The following ZMYM2 variants were observed in gnomAD, a reference collection of about 807,000 sequenced individuals.
The protein encoded by ZMYM2 is zinc finger MYM-type protein 2.
Under a neutral mutation model 162.8 loss-of-function variants are expected in ZMYM2, and 56 were observed. The observed-to-expected ratio is 0.34, with a 90% confidence interval of 0.28 to 0.43. The LOEUF is 0.43. Among genes scored for constraint, ZMYM2 ranks in the 20% least tolerant of loss-of-function variants. The probability of loss-of-function intolerance (pLI) is 1.00; values close to 1 mark genes in which losing one functional copy is unlikely to be tolerated. For synonymous variants in ZMYM2, 510 were observed against 541.6 expected, an observed-to-expected ratio of 0.94 and a Z score of 0.81; for missense variants, 1,275 against 1,621.8, an observed-to-expected ratio of 0.79 and a Z score of 3.67.
intron 10 of ZMYM2, 92 bp downstream of exon 10, chr13:20,031,527 G>T: frequency 1.2e-6 from 1 of 811,398 alleles, no homozygotes; most frequent in Non-Finnish European, 1.8e-6. Flanking sequence ...CCTATTTCTT[G>T]GTAGATAAAA....
At chr13:19,951,047 C>T in the ZMYM2 span, among the ~76,000 whole-genome samples, 8 of 152,162 alleles carry the variant, frequency 5.3e-5, 1 homozygote, top group East Asian at 1.9e-4. Flanking sequence ...TATTTTGGCT[C>T]GTCAGTTATC....
chr13:19,972,525 C>T (rs964560281), intron 2 of ZMYM2, among the ~76,000 whole-genome samples: 4 of 151,898 alleles, frequency 2.6e-5, no homozygotes, highest in Non-Finnish European at 5.9e-5. Flanking sequence ...ACAGAAAGAT[C>T]TCCATTTTAA....
rs1386590416 is a variant in ZMYM2, at chr13:20,005,166, A to G, written c.1226A>G (p.Tyr409Cys). Residue 409 changes from tyrosine (Y) to cysteine (C), a missense_variant, in exon 5 of 25, where the codon TAT becomes TGT. Tyr to Cys is a radical substitution (Grantham distance 194). This residue lies in a region of ZMYM2 where 3 missense variants were observed against 16.8 expected (regional missense o/e 0.18). Transcript: ENST00000610343. ...EFCSTSCLSL[Y>C]EDKQNPTKGA... ...TGTAGTACATCTTGTTTATCTCTCT[A>G]TGAAGACAAACAGAATCCTACTAAA... 6.3e-7 allele frequency: 1 copy of G among 1,597,528 alleles called. No homozygotes were observed. The highest frequency in any genetic ancestry group is 8.5e-7 in the Non-Finnish European group (1 of 1,174,832).
intron 3 of ZMYM2, among the ~76,000 whole-genome samples, chr13:19,999,497 G>C (rs2139847545): frequency 6.6e-6 from 1 of 152,270 alleles, no homozygotes; most frequent in East Asian, 1.9e-4. Flanking sequence ...GATAAATGTT[G>C]TGTGTGTTCT....
chr13:19,979,006 T>A (rs539171400), intron 2 of ZMYM2, among the ~76,000 whole-genome samples: 1 of 150,694 alleles, frequency 6.6e-6, no homozygotes, highest in South Asian at 2.1e-4. Context: ...TTTTGCTGCG[T>A]ATAGAATTCT....
chr13:20,042,724 A>T (rs12020512), intron 12 of ZMYM2, among the ~76,000 whole-genome samples: 8,344 of 150,056 alleles, frequency 0.056, 356 homozygotes, highest in East Asian at 0.14. Flanking sequence ...TATTATTATT[A>T]TTTTTTTTTA....
upstream of ZMYM2, among the ~76,000 whole-genome samples, chr13:19,957,686 C>T (rs370879329): frequency 6.6e-6 from 1 of 152,322 alleles, no homozygotes; most frequent in East Asian, 1.9e-4. Context: ...GACCAGGAGA[C>T]GGTGGCAGGC....
chr13:20,040,479 C>T (rs1162963636), intron 12 of ZMYM2, among the ~76,000 whole-genome samples: 3 of 151,932 alleles, frequency 2.0e-5, no homozygotes, highest in Admixed American at 2.0e-4. Flanking sequence ...GGTCTTCTCT[C>T]TTTTCTTTAT....
chr13:19,870,341 T>C, the ZMYM2 span, among the ~76,000 whole-genome samples: 1 of 152,016 alleles, frequency 6.6e-6, no homozygotes, highest in African/African-American at 2.4e-5. Flanking sequence ...TTTTTTGTAG[T>C]TGCCCAGGCT....
At chr13:19,960,692 A>G (rs76069527) in intron 2 of ZMYM2, among the ~76,000 whole-genome samples, 2 of 152,146 alleles carry the variant, frequency 1.3e-5, no homozygotes, top group Admixed American at 6.5e-5. Context: ...ATGTGTTACC[A>G]GAGAATTATT....
chr13:20,007,778 G>A (rs148656072), intron 6 of ZMYM2, among the ~76,000 whole-genome samples: 551 of 151,712 alleles, frequency 3.6e-3, no homozygotes, highest in Middle Eastern at 6.8e-3. Flanking sequence ...GCACCACCAC[G>A]CTGAGCTAAT....
At chr13:20,025,202 T>G (rs1388475534) in intron 7 of ZMYM2, 1 of 200,866 alleles carries the variant, frequency 5.0e-6, no homozygotes, top group Non-Finnish European at 1.0e-5. Flanking sequence ...TTTCGAAGCC[T>G]TCTTATATTT....
chr13:20,075,762 A>G (rs1247995567), intron 21 of ZMYM2, among the ~76,000 whole-genome samples: 1 of 138,224 alleles, frequency 7.2e-6, no homozygotes, highest in African/African-American at 2.8e-5. Context: ...GCTTAATGCA[A>G]TCTCCGCTTC....
intron 7 of ZMYM2, among the ~76,000 whole-genome samples, chr13:20,023,025 A>G (rs968012880): frequency 1.1e-4 from 16 of 152,182 alleles, no homozygotes; most frequent in Non-Finnish European, 1.5e-4. Context: ...GTGGTTAATA[A>G]CTATAATTTT....
intron 2 of ZMYM2, among the ~76,000 whole-genome samples, chr13:19,976,129 C>T (rs1246005109): frequency 6.6e-6 from 1 of 151,986 alleles, no homozygotes; most frequent in Non-Finnish European, 1.5e-5. Flanking sequence ...GTCAAGAAAT[C>T]GAGACCATCC....
At chr13:20,067,199 C>T in intron 20 of ZMYM2, 40 bp from the exon 21 acceptor site, 1 of 1,486,054 alleles carries the variant, frequency 6.7e-7, no homozygotes, top group Non-Finnish European at 9.1e-7. Flanking sequence ...TAATAAGACG[C>T]TAAATAATAA....
chr13:19,876,154 G>A, the ZMYM2 span, among the ~76,000 whole-genome samples: 1 of 151,714 alleles, frequency 6.6e-6, no homozygotes, highest in Non-Finnish European at 1.5e-5. Context: ...AGCCTCCCGA[G>A]TAGCTGGGAT....
chr13:19,958,462 G>T (rs1721691520), upstream of ZMYM2, among the ~76,000 whole-genome samples: 1 of 152,146 alleles, frequency 6.6e-6, no homozygotes, highest in Non-Finnish European at 1.5e-5. Context: ...AGACCCGGTG[G>T]GTGGGGGCGG....
At chr13:19,867,020 G>A in the ZMYM2 span, among the ~76,000 whole-genome samples, 1 of 152,294 alleles carries the variant, frequency 6.6e-6, no homozygotes, top group South Asian at 2.1e-4. Flanking sequence ...AACCGTAGAG[G>A]AAATGTAATT....
Sources: gnomAD v4.1 joint callset for allele counts (sites outside exome capture counted in the v4.1 genomes callset) on GRCh38, gnomAD v4.1.1 for gene constraint, gnomAD v4.1.1 regional missense constraint, MANE v1.5 for transcripts, NCBI Gene and HGNC (gene_info 2026-07-23, HGNC 2026-07-21) for gene names.